Variants in CA10 observed in about 807,000 individuals in gnomAD.
CA10 encodes carbonic anhydrase-related protein 10.
A neutral mutation model predicts 44.2 loss-of-function variants in CA10; 14 were observed. The observed-to-expected ratio is 0.32, with a 90% CI of 0.21 to 0.50. CA10 has a LOEUF of 0.50. CA10 is among the 20% of genes least tolerant of loss of function. The pLI is 0.99. For synonymous variants in CA10, 159 were observed against 141.6 expected, an observed-to-expected ratio of 1.12 and a Z score of -0.87; for missense variants, 350 against 409.7, an observed-to-expected ratio of 0.85 and a Z score of 1.26.
At chr17:51,748,457 C>T (rs1167800452) in intron 3 of CA10, 1 of 984,830 alleles carries the variant, frequency 1.0e-6, no homozygotes, top group Non-Finnish European at 1.2e-6. Context: ...TTGCTCCAGC[C>T]CCTTCAAACT....
intron 4 of CA10, among the ~76,000 whole-genome samples, chr17:51,691,076 C>T (rs1392328384): frequency 6.6e-6 from 1 of 152,106 alleles, no homozygotes. Flanking sequence ...GATTCCATAT[C>T]CTTTGGGCAT....
chr17:51,812,199 C>A (rs866319627), intron 3 of CA10, among the ~76,000 whole-genome samples: 1 of 152,160 alleles, frequency 6.6e-6, no homozygotes, highest in Non-Finnish European at 1.5e-5. Flanking sequence ...AAGTATTAAA[C>A]CTAGCACTAC....
intron 2 of CA10, among the ~76,000 whole-genome samples, chr17:52,033,119 G>A (rs933143721): frequency 1.3e-5 from 2 of 152,112 alleles, no homozygotes. Context: ...GGTCATGAAG[G>A]AAAAATAGAT....
intron 2 of CA10, among the ~76,000 whole-genome samples, chr17:52,054,013 ATG>A (rs1366661137): frequency 6.6e-6 from 1 of 152,124 alleles, no homozygotes; most frequent in Non-Finnish European, 1.5e-5. Flanking sequence ...TTTGTAGAGC[ATG>A]TGTGTTTGAA....
At chr17:51,896,732 C>A (rs1159864745) in intron 3 of CA10, among the ~76,000 whole-genome samples, 1 of 152,046 alleles carries the variant, frequency 6.6e-6, no homozygotes, top group Non-Finnish European at 1.5e-5. Flanking sequence ...TTCTCTGTAA[C>A]CTCCCCAGCA....
At chr17:52,148,792 A>G (rs1047841788) in intron 1 of CA10, among the ~76,000 whole-genome samples, 2 of 152,146 alleles carry the variant, frequency 1.3e-5, no homozygotes, top group South Asian at 4.1e-4. Context: ...GTGTCACTAC[A>G]CACATTTTAT....
At chr17:51,645,769 G>A (rs1299795096) in intron 6 of CA10, among the ~76,000 whole-genome samples, 3 of 152,220 alleles carry the variant, frequency 2.0e-5, no homozygotes, top group Non-Finnish European at 4.4e-5. Context: ...AGGAAGACCT[G>A]TATTTGGATA....
intron 3 of CA10, among the ~76,000 whole-genome samples, chr17:51,927,824 C>A (rs1982492952): frequency 6.6e-6 from 1 of 152,080 alleles, no homozygotes; most frequent in Non-Finnish European, 1.5e-5. Flanking sequence ...CTTTAAGCAA[C>A]CTGAAACCAC....
intron 2 of CA10, among the ~76,000 whole-genome samples, chr17:51,959,295 T>C (rs1411221397): frequency 1.4e-5 from 2 of 143,250 alleles, no homozygotes; most frequent in Non-Finnish European, 3.0e-5. Flanking sequence ...TGTGTGTGTG[T>C]GTGTGTGTGT....
intron 1 of CA10, among the ~76,000 whole-genome samples, chr17:52,082,788 A>G (rs1988017830): frequency 6.6e-6 from 1 of 152,216 alleles, no homozygotes; most frequent in Non-Finnish European, 1.5e-5. Flanking sequence ...CAAATAGGCA[A>G]CTTAAGAAGC....
intron 2 of CA10, among the ~76,000 whole-genome samples, chr17:52,034,137 G>A (rs1421860532): frequency 6.6e-6 from 1 of 152,134 alleles, no homozygotes; most frequent in Admixed American, 6.5e-5. Context: ...ATAGTTAACA[G>A]TATTGTATTG....
chr17:51,817,710 C>T (rs1409090775), intron 3 of CA10, among the ~76,000 whole-genome samples: 1 of 152,134 alleles, frequency 6.6e-6, no homozygotes. Context: ...ATGCATGGGG[C>T]AGAAGACCAA....
chr17:51,908,580 T>C (rs1355386853), intron 3 of CA10, among the ~76,000 whole-genome samples: 1 of 122,986 alleles, frequency 8.1e-6, no homozygotes, highest in Non-Finnish European at 1.7e-5. Context: ...CTTCTTATTC[T>C]TGACTTCCAC....
At chr17:52,122,480 A>C (rs1344289288) in intron 1 of CA10, among the ~76,000 whole-genome samples, 1 of 152,174 alleles carries the variant, frequency 6.6e-6, no homozygotes, top group Non-Finnish European at 1.5e-5. Flanking sequence ...TGTTTTATTA[A>C]AATATTACAT....
chr17:51,797,415 G>A (rs982370791), intron 3 of CA10, among the ~76,000 whole-genome samples: 18 of 152,154 alleles, frequency 1.2e-4, no homozygotes, highest in Admixed American at 5.9e-4. Context: ...GACCTGACCT[G>A]AGGATCATTG....
intron 4 of CA10, among the ~76,000 whole-genome samples, chr17:51,727,136 A>G (rs1302325224): frequency 6.6e-6 from 1 of 152,154 alleles, no homozygotes; most frequent in Non-Finnish European, 1.5e-5. Flanking sequence ...TTGTATTTTC[A>G]AAAGTGGAGA....
At chr17:51,759,954 T>G (rs1905175115) in intron 3 of CA10, among the ~76,000 whole-genome samples, 1 of 152,244 alleles carries the variant, frequency 6.6e-6, no homozygotes, top group Non-Finnish European at 1.5e-5. Context: ...CTACGAAAAT[T>G]CAAGGTTAGG....
intron 3 of CA10, among the ~76,000 whole-genome samples, chr17:51,861,927 T>C (rs1246216462): frequency 6.6e-6 from 1 of 152,214 alleles, no homozygotes; most frequent in Non-Finnish European, 1.5e-5. Flanking sequence ...TGAACTATAA[T>C]GGATTCTGTA....
chr17:52,006,792 T>C (rs537655450), intron 2 of CA10, among the ~76,000 whole-genome samples: 3 of 151,878 alleles, frequency 2.0e-5, no homozygotes, highest in South Asian at 4.1e-4. Flanking sequence ...TTCTAAAAAA[T>C]GTCATTGTGA....
Sources: gnomAD v4.1 joint callset for allele counts (sites outside exome capture counted in the v4.1 genomes callset) on GRCh38, gnomAD v4.1.1 for gene constraint, MANE v1.5 for transcripts, NCBI Gene and HGNC (gene_info 2026-07-23, HGNC 2026-07-21) for gene names.